RMND1: variants seen among roughly 807,000 people sequenced by gnomAD.
The protein encoded by RMND1 is required for meiotic nuclear division protein 1 homolog.
Under a neutral mutation model 54.0 loss-of-function variants are expected in RMND1, and 41 were observed. The ratio of observed to expected loss-of-function variants is 0.76; its 90% CI spans 0.59 to 0.98. The LOEUF (loss-of-function observed/expected upper bound fraction) is 0.98. RMND1 is among the 50% of genes least tolerant of loss of function. The probability of loss-of-function intolerance (pLI) is 0.00; values close to 1 mark genes in which losing one functional copy is unlikely to be tolerated. For missense variants in RMND1, 457 were observed against 532.0 expected, an observed-to-expected ratio of 0.86 and a Z score of 1.39; for synonymous variants, 183 against 181.7, an observed-to-expected ratio of 1.01 and a Z score of -0.06.
intron 1 of RMND1, among the ~76,000 whole-genome samples, chr6:151,451,464 A>C (rs1402359877): frequency 6.6e-6 from 1 of 152,210 alleles, no homozygotes; most frequent in Non-Finnish European, 1.5e-5. Context: ...AAATCAGTAA[A>C]ATACGTGAGA....
At chr6:151,430,420 T>C (rs1458356936) in intron 4 of RMND1, among the ~76,000 whole-genome samples, 1 of 152,208 alleles carries the variant, frequency 6.6e-6, no homozygotes, top group Non-Finnish European at 1.5e-5. Context: ...GCCAAACAAA[T>C]AGCCATTATT....
chr6:151,433,758 ATG>A lies in RMND1; in HGVS notation c.614-530_614-529del, dbSNP rs375930362. ...AAAGATACTGACCACTTCAAAACAT[ATG>A]TGATTTCAAGGTTAATCACTACAGG... On this transcript the variant is annotated intron_variant, in intron 3 of 11. Transcript: ENST00000444024. Among the ~76,000 whole-genome samples, 751 of 152,230 alleles carry A rather than the reference ATG, an allele frequency of 4.9e-3. 5 individuals carry two copies. The highest frequency in any genetic ancestry group is 0.017 in the African/African-American group (720 of 41,530).
At chr6:151,439,242 T>C (rs112322629) in intron 2 of RMND1, among the ~76,000 whole-genome samples, 15,144 of 152,288 alleles carry the variant, frequency 0.099, 810 homozygotes, top group Middle Eastern at 0.18. Context: ...CAGGTTGTTA[T>C]ACTTCGCCTA....
chr6:151,413,222 C>G (rs1779907796), intron 10 of RMND1, among the ~76,000 whole-genome samples: 1 of 152,162 alleles, frequency 6.6e-6, no homozygotes, highest in South Asian at 2.1e-4. Context: ...GATTCCTGAC[C>G]CACAAAAACT....
At chr6:151,439,450 G>C (rs1255638235) in intron 2 of RMND1, among the ~76,000 whole-genome samples, 1 of 152,116 alleles carries the variant, frequency 6.6e-6, no homozygotes, top group Non-Finnish European at 1.5e-5. Context: ...ATCCCACCCG[G>C]ATTTACATTT....
At chr6:151,412,739 G>A (rs1233086164) in intron 10 of RMND1, among the ~76,000 whole-genome samples, 1 of 152,182 alleles carries the variant, frequency 6.6e-6, no homozygotes, top group Non-Finnish European at 1.5e-5. Flanking sequence ...CATAGTGGAA[G>A]GTGAAGGGAG....
intron 1 of RMND1, among the ~76,000 whole-genome samples, chr6:151,449,594 C>A (rs976814460): frequency 6.6e-6 from 1 of 152,116 alleles, no homozygotes; most frequent in Non-Finnish European, 1.5e-5. Context: ...CCCAGTGAAG[C>A]CTTCCCCAAC....
intron 9 of RMND1, chr6:151,420,621 G>A (rs1291444075): frequency 6.6e-6 from 1 of 152,070 alleles, no homozygotes; most frequent in African/African-American, 2.4e-5. Flanking sequence ...ACATCTCGAG[G>A]CATCTTAAAA....
chr6:151,445,934 A>ATACATTCTAAGTTAATTC, intron 1 of RMND1, 109 bp from the exon 2 acceptor site: 1 of 962,858 alleles, frequency 1.0e-6, no homozygotes, highest in Non-Finnish European at 1.5e-6. Context: ...TGTAAAACAG[A>ATACATTCTAAGTTAATTC]TACATTCTAA....
At position 151,430,132 on chromosome 6, in the gene RMND1, A is replaced by T. The variant is rs1404357308; in HGVS notation, c.729+6T>A. 6.3e-7 allele frequency: 1 copy of T among 1,584,610 alleles called. No individual in the cohort carries two copies. ...TTTATATTTTCACATTTTTATTTAC[A>T]CTTACAGTTTTGTCTTTCACATTCC... On this transcript the variant is annotated splice_donor_region_variant and intron_variant, in intron 5 of 11. Coordinates refer to ENST00000444024, the MANE Select transcript of RMND1 (RefSeq NM_017909.4).
chr6:151,412,830 G>A (rs9479034), intron 10 of RMND1, among the ~76,000 whole-genome samples: 2 of 151,934 alleles, frequency 1.3e-5, no homozygotes, highest in Non-Finnish European at 2.9e-5. Flanking sequence ...ACAACCTCAC[G>A]AGAACTCACT....
At chr6:151,422,631 ATTTC>A (rs1405111992) in intron 7 of RMND1, 26 bp from the exon 8 acceptor site, 2 of 1,212,488 alleles carry the variant, frequency 1.6e-6, no homozygotes, top group African/African-American at 1.5e-5. Flanking sequence ...ATAATGGAAC[ATTTC>A]TTTATCATCA....
rs1451118026 is a variant in RMND1 at position 151,405,162 on chromosome 6, G to A, written c.*73C>T. 1.5e-5 allele frequency: 21 copies of A among 1,404,080 alleles called. No homozygotes were observed. Among genetic ancestry groups the A allele is most frequent in the South Asian group, 2.3e-5 (2 of 85,836 alleles). The allele number at this position is 1,404,080 out of a possible 1,614,324, so 87.0% of individuals were successfully genotyped here. On this transcript the variant is annotated 3_prime_UTR_variant, in exon 12 of 12. Transcript: ENST00000444024. ...TGGGATTACAGGCATGAGGCACCGC[G>A]CCGGGCCGAACATTTAATTTTTGAT...
At chr6:151,443,510 C>G (rs1166707767) in intron 2 of RMND1, among the ~76,000 whole-genome samples, 1 of 152,118 alleles carries the variant, frequency 6.6e-6, no homozygotes, top group Non-Finnish European at 1.5e-5. Context: ...AGGGTTTCAC[C>G]ATATTGGCTA....
chr6:151,415,049 GAA>G (rs112952135), intron 10 of RMND1, among the ~76,000 whole-genome samples: 2 of 142,614 alleles, frequency 1.4e-5, no homozygotes, highest in African/African-American at 5.1e-5. Flanking sequence ...TAAAGTTCTT[GAA>G]AAAAAAAAAC....
Position 151,431,980 on chromosome 6 carries a change from G to C in RMND1, c.689+1175C>G, listed in dbSNP as rs1041744548. Reference sequence around the variant, plus strand: ...GAGGCAGAGTCTCACTCTGTCACTAGGCTGGAGTGCAATGGCACGATCTCA... The same window carrying C: ...GAGGCAGAGTCTCACTCTGTCACTACGCTGGAGTGCAATGGCACGATCTCA... On this transcript the variant is annotated intron_variant, in intron 4 of 11. Transcript: ENST00000444024. 1.4e-4 allele frequency among the ~76,000 whole-genome samples: 21 copies of C among 149,960 alleles called. No individual in the cohort carries two copies. The East Asian group carries it at 3.9e-3, about 28-fold the overall frequency.
chr6:151,405,799 G>T lies in RMND1; in HGVS notation c.1238C>A (p.Thr413Lys), dbSNP rs1431121560. ...ATTCAGGTGATTCCGCATTAGATCT[G>T]TTAGTTCCATGCAGTGCTGAAGTTT... ...NEKLQHCMEL[T>K]DLMRNHLNEK... The change falls in exon 11 of 12, where the codon ACA (threonine) becomes AAA (lysine). Residue 413 changes from threonine (T) to lysine (K), a missense_variant. Thr to Lys is a moderately conservative substitution (Grantham distance 78). Coordinates refer to ENST00000444024, the MANE Select transcript of RMND1 (RefSeq NM_017909.4). 2 of 1,611,642 alleles carry T rather than the reference G, an allele frequency of 1.2e-6. No individual in the cohort carries two copies. Among genetic ancestry groups the T allele is most frequent in the African/African-American group, 2.7e-5 (2 of 74,858 alleles).
intron 2 of RMND1, among the ~76,000 whole-genome samples, chr6:151,437,658 C>T (rs1338492446): frequency 2.0e-5 from 3 of 152,162 alleles, no homozygotes; most frequent in African/African-American, 7.2e-5. Flanking sequence ...GGATTTACTC[C>T]TCTCAGCTCC....
chr6:151,441,757 G>C (rs780830987), intron 2 of RMND1, among the ~76,000 whole-genome samples: 1 of 152,100 alleles, frequency 6.6e-6, no homozygotes, highest in Non-Finnish European at 1.5e-5. Context: ...GGCCCTTCTT[G>C]ACTTCACTCT....
Sources: gnomAD v4.1 joint callset for allele counts (sites outside exome capture counted in the v4.1 genomes callset) on GRCh38, gnomAD v4.1.1 for gene constraint, MANE v1.5 for transcripts, NCBI Gene and HGNC (gene_info 2026-07-23, HGNC 2026-07-21) for gene names.